Variants in RINT1 observed in about 807,000 individuals in gnomAD.
RINT1 encodes RAD50-interacting protein 1.
In RINT1, 75 loss-of-function variants were observed where a neutral mutation model predicts 97.7. The ratio of observed to expected loss-of-function variants is 0.77; its 90% CI spans 0.64 to 0.93. The LOEUF is 0.93. Ranked by LOEUF, RINT1 falls within the 40% of genes least tolerant of loss-of-function variation. The pLI, the probability that RINT1 is intolerant of heterozygous loss-of-function variation, is 0.00. For missense variants in RINT1, 892 were observed against 925.2 expected (o/e 0.96, Z 0.47); for synonymous variants, 303 against 326.3 (o/e 0.93, Z 0.77).
intron 11 of RINT1, among the ~76,000 whole-genome samples, chr7:105,562,898 G>A (rs540967034): frequency 8.6e-5 from 13 of 151,898 alleles, no homozygotes; most frequent in Non-Finnish European, 1.8e-4. Flanking sequence ...GCGAGATTCC[G>A]TCTCAAAACA....
chr7:105,563,323 G>A (rs1303944123), intron 11 of RINT1, among the ~76,000 whole-genome samples: 2 of 152,138 alleles, frequency 1.3e-5, no homozygotes, highest in East Asian at 3.9e-4. Context: ...AAATTGTGAT[G>A]GATATACAAC....
intron 6 of RINT1, among the ~76,000 whole-genome samples, chr7:105,548,335 C>T (rs574961273): frequency 2.0e-5 from 3 of 152,210 alleles, no homozygotes; most frequent in Non-Finnish European, 4.4e-5. Flanking sequence ...ATCATCATGC[C>T]TGGCTTTTTG....
intron 4 of RINT1, among the ~76,000 whole-genome samples, chr7:105,544,443 AT>A (rs1033239303): frequency 2.1e-5 from 3 of 145,262 alleles, no homozygotes; most frequent in South Asian, 4.4e-4. Flanking sequence ...TTTTCTTTTT[AT>A]TTTTTTTTGA....
intron 11 of RINT1, among the ~76,000 whole-genome samples, chr7:105,561,100 G>GAA (rs77538953): frequency 4.5e-5 from 6 of 134,588 alleles, no homozygotes; most frequent in Non-Finnish European, 1.7e-5. Context: ...GAGTTTTAGA[G>GAA]AAAAAAAAAA....
intron 11 of RINT1, among the ~76,000 whole-genome samples, chr7:105,556,050 C>T (rs1728655): frequency 0.11 from 16,409 of 151,246 alleles, 2,743 homozygotes; most frequent in African/African-American, 0.36. Context: ...ACTTCTGTGG[C>T]GTGGCTATCA....
chr7:105,561,871 AT>A lies in RINT1; in HGVS notation c.1672-1854del, dbSNP rs141300726. Among the ~76,000 whole-genome samples, 3 of 151,926 alleles carry A rather than the reference AT, an allele frequency of 2.0e-5. No homozygotes were observed. The East Asian group carries it at 5.8e-4, about 29-fold the overall frequency. On this transcript the variant is annotated intron_variant, in intron 11 of 14. Transcript: ENST00000257700. ...GCCACCACGCCTGGCCGATAGTGTC[AT>A]TTTTTTTAAGTTCATGATTACCGTA...
intron 14 of RINT1, chr7:105,566,818 T>C (rs551783131): frequency 5.5e-6 from 1 of 180,766 alleles, no homozygotes; most frequent in Non-Finnish European, 1.1e-5. Flanking sequence ...TCCCATGTTC[T>C]AATCTACCTA....
intron 11 of RINT1, among the ~76,000 whole-genome samples, chr7:105,559,540 CAAAAAAAAAAAAAAA>C (rs60718751): frequency 1.7e-5 from 1 of 59,018 alleles, no homozygotes; most frequent in African/African-American, 6.3e-5. Flanking sequence ...GACTCTGTCT[CAAAAAAAAAAAAAAA>C]AAAAAAAAAA....
Position 105,560,731 on chromosome 7 carries a change from T to C in RINT1, c.1672-3002T>C, listed in dbSNP as rs556973594. 2.6e-5 allele frequency among the ~76,000 whole-genome samples: 4 copies of C among 152,254 alleles called. No homozygotes were observed. The South Asian group carries it at 6.2e-4, about 24-fold the overall frequency. ...AGCCAAATGTTTTTTATTTTGGTTT[T>C]TTTTTTGAGACAAGAGTCTCACTTT... On this transcript the variant is annotated intron_variant, in intron 11 of 14. Transcript: ENST00000257700.
intron 12 of RINT1, among the ~76,000 whole-genome samples, chr7:105,564,448 AGT>A (rs1791596141): frequency 6.6e-6 from 1 of 152,194 alleles, no homozygotes; most frequent in Non-Finnish European, 1.5e-5. Flanking sequence ...TCAATAGGAT[AGT>A]GTGTGATCTG....
chr7:105,566,049 C>G (rs1425798442), intron 14 of RINT1, among the ~76,000 whole-genome samples: 2 of 151,940 alleles, frequency 1.3e-5, no homozygotes, highest in Non-Finnish European at 2.9e-5. Context: ...TTGGGCAGAT[C>G]ACAAAGTCAG....
At chr7:105,551,436 T>C in intron 9 of RINT1, 134 bp from the exon 10 acceptor site, 1 of 704,464 alleles carries the variant, frequency 1.4e-6, no homozygotes, top group Non-Finnish European at 2.2e-6. Context: ...AAGTTAAATT[T>C]AGTACAACCA....
At chr7:105,532,560 C>T (rs1476568253) in intron 1 of RINT1, among the ~76,000 whole-genome samples, 1 of 152,148 alleles carries the variant, frequency 6.6e-6, no homozygotes, top group African/African-American at 2.4e-5. Context: ...GGTGAGATGA[C>T]AGATTTCTCT....
intron 3 of RINT1, among the ~76,000 whole-genome samples, chr7:105,539,120 C>G (rs1010439579): frequency 6.6e-6 from 1 of 152,152 alleles, no homozygotes; most frequent in African/African-American, 2.4e-5. Flanking sequence ...ACCACAGAAA[C>G]TTTTACTGAA....
At chr7:105,564,274 G>C (rs376125819) in intron 12 of RINT1, among the ~76,000 whole-genome samples, 11 of 152,102 alleles carry the variant, frequency 7.2e-5, no homozygotes, top group African/African-American at 2.4e-4. Context: ...TTTTAGTAGA[G>C]ATGTGGTTTC....
intron 4 of RINT1, among the ~76,000 whole-genome samples, chr7:105,543,834 TA>T (rs1174490338): frequency 6.6e-6 from 1 of 151,910 alleles, no homozygotes; most frequent in East Asian, 1.9e-4. Context: ...CTCACACCTG[TA>T]ATCCCAGCAC....
At chr7:105,534,276 T>A (rs1295880809) in intron 2 of RINT1, among the ~76,000 whole-genome samples, 2 of 152,100 alleles carry the variant, frequency 1.3e-5, no homozygotes, top group Admixed American at 6.6e-5. Context: ...ACCATTTTGG[T>A]TAGGCTGGTC....
At chr7:105,564,401 G>C (rs182671505) in intron 12 of RINT1, among the ~76,000 whole-genome samples, 70 of 152,224 alleles carry the variant, frequency 4.6e-4, no homozygotes, top group African/African-American at 1.4e-3. Flanking sequence ...TTCTTAATCA[G>C]AATAAACTGA....
chr7:105,532,230 T>C lies in RINT1; in HGVS notation c.-86T>C. On this transcript the variant is annotated 5_prime_UTR_variant, in exon 1 of 15. Transcript: ENST00000257700. ...CACTCAGTCCTACGGCCTCCGAGGC[T>C]GGGTAGTGAGTGTGTCGCTGGCCTT... 2 of 1,443,450 alleles carry C rather than the reference T, an allele frequency of 1.4e-6. No homozygotes were observed. The highest frequency in any genetic ancestry group is 1.9e-6 in the Non-Finnish European group (2 of 1,067,460). The allele number at this position is 1,443,450 out of a possible 1,614,324, so 89.4% of individuals were successfully genotyped here.
Sources: gnomAD v4.1 joint callset for allele counts (sites outside exome capture counted in the v4.1 genomes callset) on GRCh38, gnomAD v4.1.1 for gene constraint, MANE v1.5 for transcripts, NCBI Gene and HGNC (gene_info 2026-07-23, HGNC 2026-07-21) for gene names.